Variants in EDDM13 observed in about 807,000 individuals in gnomAD.
EDDM13 encodes the protein epididymal protein 13.
Under a neutral mutation model 17.8 loss-of-function variants are expected in EDDM13, and 24 were observed. That is an observed-to-expected ratio of 1.35 (90% CI 0.98 to 1.90). The LOEUF (loss-of-function observed/expected upper bound fraction) is 1.90. Among genes scored for constraint, EDDM13 ranks in the 40% most tolerant of loss-of-function variants. The pLI is 0.00. For synonymous variants in EDDM13, 31 were observed against 37.5 expected (o/e 0.83, Z 0.63); for missense variants, 97 against 100.8 (o/e 0.96, Z 0.16).
At chr19:56,292,069 G>A (rs541132291) in intron 9 of EDDM13, among the ~76,000 whole-genome samples, 5 of 152,226 alleles carry the variant, frequency 3.3e-5, no homozygotes, top group East Asian at 1.9e-4. Flanking sequence ...GGTGGGTTAC[G>A]GATCCTGGGC....
rs141510271 is a variant in EDDM13, at chr19:56,296,776, G to C, written c.268+414G>C. Among the ~76,000 whole-genome samples the C allele has an allele frequency of 4.7e-3, 717 of 152,322 alleles. 10 individuals carry two copies. The highest frequency in any genetic ancestry group is 0.016 in the African/African-American group (683 of 41,580). On this transcript the variant is annotated intron_variant, in intron 11 of 14. Transcript: ENST00000649256. ...TGGCTGGGCATGGTGGCTCATGCCT[G>C]TAATCCCAGCACTTTGGGAGGCCGA...
intron 12 of EDDM13, 42 bp downstream of exon 12, chr19:56,297,573 T>C (rs2039962790): frequency 1.0e-6 from 1 of 962,548 alleles, no homozygotes. Context: ...TATAAGACAG[T>C]GTGTCCCTTC....
intron 4 of EDDM13, chr19:56,283,601 G>A (rs1387609203): frequency 6.6e-6 from 1 of 152,186 alleles, no homozygotes; most frequent in Non-Finnish European, 1.5e-5. Flanking sequence ...AACCCAGTGG[G>A]ATTCTTCAAT....
At chr19:56,287,987 A>C (rs1340916082) in intron 6 of EDDM13, among the ~76,000 whole-genome samples, 1 of 152,196 alleles carries the variant, frequency 6.6e-6, no homozygotes, top group Non-Finnish European at 1.5e-5. Flanking sequence ...GCAGACCAGG[A>C]GCGTGGGTCT....
intron 13 of EDDM13, among the ~76,000 whole-genome samples, chr19:56,302,581 C>CTT (rs1555807484): frequency 2.5e-5 from 1 of 39,990 alleles, no homozygotes; most frequent in Non-Finnish European, 4.1e-5. Context: ...TTCTTCCTCC[C>CTT]CCTTTTCTTC....
intron 12 of EDDM13, among the ~76,000 whole-genome samples, chr19:56,301,496 G>C (rs1224818980): frequency 6.6e-6 from 1 of 152,110 alleles, no homozygotes; most frequent in African/African-American, 2.4e-5. Flanking sequence ...GGTTTCGGTG[G>C]GTTTTGGCAG....
chr19:56,307,433 T>C (rs1211239919), intron 14 of EDDM13, among the ~76,000 whole-genome samples: 1 of 152,156 alleles, frequency 6.6e-6, no homozygotes, highest in Non-Finnish European at 1.5e-5. Flanking sequence ...GGAATCCCAA[T>C]ATATAAAAAA....
At chr19:56,304,669 A>C in intron 13 of EDDM13, 124 bp from the exon 14 acceptor site, 1 of 407,048 alleles carries the variant, frequency 2.5e-6, no homozygotes, top group South Asian at 1.0e-4. Context: ...AGAGGGAAAG[A>C]GCAGAGGGGG....
chr19:56,277,662 A>C (rs2147024042), intron 2 of EDDM13, among the ~76,000 whole-genome samples: 1 of 152,276 alleles, frequency 6.6e-6, no homozygotes, highest in East Asian at 1.9e-4. Context: ...GAAATGGGTG[A>C]ATTGCATGGT....
chr19:56,275,528 T>C (rs2038184005), intron 1 of EDDM13, among the ~76,000 whole-genome samples: 6 of 152,170 alleles, frequency 3.9e-5, no homozygotes, highest in Admixed American at 3.9e-4. Flanking sequence ...GCCAGGAGTT[T>C]GAGACCAGCC....
At chr19:56,302,874 T>C (rs2147283426) in intron 13 of EDDM13, 1 of 398,714 alleles carries the variant, frequency 2.5e-6, no homozygotes, top group East Asian at 3.6e-5. Flanking sequence ...TGTTGCTGGT[T>C]GCTGGGGACT....
chr19:56,302,592 CTCT>C (rs2040388753), intron 13 of EDDM13, among the ~76,000 whole-genome samples: 1 of 45,546 alleles, frequency 2.2e-5, no homozygotes, highest in South Asian at 8.7e-4. Context: ...CCTTTTCTTC[CTCT>C]CCCTCTTCTT....
At chr19:56,281,469 T>C (rs1261130501) in intron 2 of EDDM13, among the ~76,000 whole-genome samples, 1 of 152,224 alleles carries the variant, frequency 6.6e-6, no homozygotes, top group East Asian at 1.9e-4. Context: ...TACAATGCTA[T>C]CGCTGTATTG....
At chr19:56,275,768 A>C (rs1015694731) in intron 1 of EDDM13, among the ~76,000 whole-genome samples, 6 of 152,194 alleles carry the variant, frequency 3.9e-5, no homozygotes, top group Admixed American at 1.3e-4. Flanking sequence ...TTCTCTTCCC[A>C]ATCAGCCTTG....
At chr19:56,276,698 C>T (rs1218072784) in intron 2 of EDDM13, among the ~76,000 whole-genome samples, 4 of 151,786 alleles carry the variant, frequency 2.6e-5, no homozygotes, top group Non-Finnish European at 4.4e-5. Flanking sequence ...CCACCATGCC[C>T]GGCTAATTTT....
intron 9 of EDDM13, among the ~76,000 whole-genome samples, chr19:56,293,356 C>G (rs535353610): frequency 1.3e-5 from 2 of 152,170 alleles, no homozygotes; most frequent in Admixed American, 6.5e-5. Flanking sequence ...GGATCCCAAA[C>G]GGTGCTATTA....
At chr19:56,283,663 G>A (rs1007625564) in intron 4 of EDDM13, 1 of 152,172 alleles carries the variant, frequency 6.6e-6, no homozygotes, top group African/African-American at 2.4e-5. Context: ...ATGAGGAAAT[G>A]GAGACTTCTA....
chr19:56,302,076 C>G lies in EDDM13; in HGVS notation c.404C>G (p.Ser135Cys), dbSNP rs2040272662. ...ATGGTGATGACCTACCTCTTCGTAT[C>G]CTACAACAAAGGGGACTGGGTAAGA... ...AYMVMTYLFV[S>C]YNKGDWCYCH... The change falls in exon 13 of 15, where the codon TCC (serine) becomes TGC (cysteine). Residue 135 changes from serine (S) to cysteine (C), a missense_variant. Physicochemically the swap from Ser to Cys is moderately radical, Grantham distance 112 (BLOSUM62 -1). Coordinates refer to ENST00000649256, the MANE Select transcript of EDDM13 (RefSeq NM_001354658.2). 1 of 1,231,770 alleles carries G rather than the reference C, an allele frequency of 8.1e-7. No individual in the cohort carries two copies. Among genetic ancestry groups the G allele is most frequent in the African/African-American group, 1.6e-5 (1 of 64,472 alleles). 76.3% of individuals were successfully genotyped at this position (1,231,770 alleles called of 1,614,324 possible).
At chr19:56,299,458 AT>A (rs1388253255) in intron 12 of EDDM13, among the ~76,000 whole-genome samples, 1 of 151,960 alleles carries the variant, frequency 6.6e-6, no homozygotes, top group Admixed American at 6.6e-5. Context: ...AAAAAAAAAA[AT>A]CTCAGCTAGC....
Sources: allele counts gnomAD v4.1 joint callset (sites outside exome capture counted in the v4.1 genomes callset), GRCh38; gene constraint gnomAD v4.1.1; transcripts MANE v1.5; gene names NCBI Gene and HGNC (gene_info 2026-07-23, HGNC 2026-07-21).